TMEM255A: variants seen among roughly 807,000 people sequenced by gnomAD.
TMEM255A encodes the protein transmembrane protein 255A.
TMEM255A carries 14 observed loss-of-function variants against 23.5 expected under a neutral mutation model. The observed-to-expected ratio is 0.60, with a 90% CI of 0.39 to 0.93. The LOEUF is 0.93. Among genes scored for constraint, TMEM255A ranks in the 40% least tolerant of loss-of-function variants. TMEM255A has a pLI of 0.00. For missense variants in TMEM255A, 233 were observed against 261.7 expected (o/e 0.89, Z 0.76); for synonymous variants, 104 against 100.3 (o/e 1.04, Z -0.22).
chrX:120,252,932 G>A, the TMEM255A span, among the ~76,000 whole-genome samples: 1 of 112,136 alleles, frequency 8.9e-6, no homozygotes, highest in Non-Finnish European at 1.9e-5. Context: ...AAAATTAAGA[G>A]TATGTATTTC....
chrX:120,268,163 A>G, intron 8 of TMEM255A, 81 bp downstream of exon 8: 1 of 1,036,340 alleles, frequency 9.6e-7, no homozygotes, highest in Non-Finnish European at 1.3e-6. Context: ...GAAAGGTTCC[A>G]TAATTGAATT....
At chrX:120,258,060 A>G (rs150363963), downstream of TMEM255A, 708 of 123,478 alleles carry the variant, frequency 5.7e-3, 7 homozygotes, top group African/African-American at 0.022. Flanking sequence ...AATGATTATT[A>G]TGATTTTGGT....
intron 2 of TMEM255A, among the ~76,000 whole-genome samples, chrX:120,296,756 TATTA>T (rs1316366146): frequency 0.023 from 384 of 16,845 alleles, 56 homozygotes; most frequent in African/African-American, 0.12. Flanking sequence ...TTATATTATA[TATTA>T]TATATATTAA....
the TMEM255A span, chrX:120,253,355 A>G: frequency 1.0e-6 from 1 of 997,530 alleles, no homozygotes; most frequent in Non-Finnish European, 1.4e-6. Context: ...AATTCTAAAT[A>G]AGTACTTTTG....
intron 2 of TMEM255A, among the ~76,000 whole-genome samples, chrX:120,295,810 A>C (rs1202997377): frequency 8.9e-6 from 1 of 111,947 alleles, no homozygotes; most frequent in Non-Finnish European, 1.9e-5. Flanking sequence ...AGGATAATAC[A>C]TTCAAAGAAC....
chrX:120,303,242 C>T (rs1404857387), intron 2 of TMEM255A, among the ~76,000 whole-genome samples: 1 of 111,373 alleles, frequency 9.0e-6, no homozygotes, highest in Non-Finnish European at 1.9e-5. Flanking sequence ...TATTGTTTAT[C>T]TAAAATAATA....
At chrX:120,262,111 G>A (rs187978570) in intron 8 of TMEM255A, among the ~76,000 whole-genome samples, 116 of 110,989 alleles carry the variant, frequency 1.0e-3, no homozygotes, top group African/African-American at 3.6e-3. Flanking sequence ...CCAACATGGC[G>A]AAACCCCATC....
rs138894638 is a variant in TMEM255A, at chrX:120,272,384, C to T, written c.676-3997G>A. ...TCCCATTGACTGAGGTTGGCTTTTA[C>T]GCACTTGATGCACTGATACGGTTTG... On this transcript the variant is annotated intron_variant, in intron 7 of 8. Transcript: ENST00000371369. 8.1e-5 allele frequency among the ~76,000 whole-genome samples: 9 copies of T among 111,590 alleles called. No individual in the cohort carries two copies. In the East Asian group the frequency reaches 1.1e-3, roughly 14 times the overall value.
intron 1 of TMEM255A, among the ~76,000 whole-genome samples, chrX:120,308,045 A>T (rs1296353907): frequency 8.9e-6 from 1 of 112,220 alleles, no homozygotes; most frequent in Non-Finnish European, 1.9e-5. Context: ...CGGTCTTTGA[A>T]CCTGGGTGCC....
At chrX:120,284,139 C>T (rs1268710019) in intron 6 of TMEM255A, among the ~76,000 whole-genome samples, 9 of 111,930 alleles carry the variant, frequency 8.0e-5, no homozygotes, top group Non-Finnish European at 1.5e-4. Context: ...CCTCCAGAAT[C>T]CCCACCACAT....
chrX:120,292,013 T>G (rs1158056860), intron 3 of TMEM255A, among the ~76,000 whole-genome samples: 1 of 111,206 alleles, frequency 9.0e-6, no homozygotes, highest in African/African-American at 3.3e-5. Flanking sequence ...TTTTTAAAAT[T>G]TTTAAATTTT....
chrX:120,275,073 G>T (rs2057787051), intron 7 of TMEM255A, among the ~76,000 whole-genome samples: 1 of 112,366 alleles, frequency 8.9e-6, no homozygotes, highest in Non-Finnish European at 1.9e-5. Flanking sequence ...AATTCTCCAA[G>T]AACAAAGGGC....
At chrX:120,274,955 T>G (rs2057786404) in intron 7 of TMEM255A, among the ~76,000 whole-genome samples, 1 of 111,035 alleles carries the variant, frequency 9.0e-6, no homozygotes, top group South Asian at 3.8e-4. Context: ...CTCTTAACAC[T>G]CATCCTGAGG....
intron 7 of TMEM255A, among the ~76,000 whole-genome samples, chrX:120,271,242 G>C (rs1433878428): frequency 8.9e-6 from 1 of 111,942 alleles, no homozygotes; most frequent in Non-Finnish European, 1.9e-5. Context: ...ACCAGAAAGG[G>C]CTACCCAAAT....
At chrX:120,255,449 C>T (rs781927736), downstream of TMEM255A, 1 of 1,154,614 alleles carries the variant, frequency 8.7e-7, no homozygotes, top group Non-Finnish European at 1.2e-6. Flanking sequence ...CTTTGAAATA[C>T]TAGAAAGTTT....
chrX:120,268,596 A>T (rs1556018058), intron 7 of TMEM255A, among the ~76,000 whole-genome samples: 2 of 111,790 alleles, frequency 1.8e-5, no homozygotes, highest in Admixed American at 9.5e-5. Flanking sequence ...TTTATGTTTT[A>T]AAAAAAGACC....
intron 4 of TMEM255A, among the ~76,000 whole-genome samples, chrX:120,290,508 C>A (rs1556022700): frequency 8.9e-6 from 1 of 112,380 alleles, no homozygotes; most frequent in African/African-American, 3.2e-5. Flanking sequence ...AAATAGTATG[C>A]ATACTATGAT....
At chrX:120,303,440 C>A (rs1377925968) in intron 2 of TMEM255A, among the ~76,000 whole-genome samples, 3 of 111,046 alleles carry the variant, frequency 2.7e-5, no homozygotes, top group Non-Finnish European at 5.7e-5. Context: ...CTAGTCTCAA[C>A]AAAATGGATA....
chrX:120,295,095 T>C (rs2057945674), intron 2 of TMEM255A, among the ~76,000 whole-genome samples: 1 of 112,048 alleles, frequency 8.9e-6, no homozygotes, highest in Non-Finnish European at 1.9e-5. Context: ...GCTCTGCCAT[T>C]AGAAGACTGA....
Sources: allele counts gnomAD v4.1 joint callset (sites outside exome capture counted in the v4.1 genomes callset), GRCh38; gene constraint gnomAD v4.1.1; transcripts MANE v1.5; gene names NCBI Gene and HGNC (gene_info 2026-07-23, HGNC 2026-07-21).